The following CIAO3 variants were observed in gnomAD, a reference collection of about 807,000 sequenced individuals.
CIAO3 encodes the protein LET1 like/JFP15.
Under a neutral mutation model 51.5 loss-of-function variants are expected in CIAO3, and 45 were observed. The observed-to-expected ratio is 0.87, with a 90% CI of 0.69 to 1.12. The LOEUF (loss-of-function observed/expected upper bound fraction) is 1.12. Among genes scored for constraint, CIAO3 ranks in the 50% most tolerant of loss-of-function variants. The probability of loss-of-function intolerance (pLI) is 0.00; values close to 1 mark genes in which losing one functional copy is unlikely to be tolerated. For synonymous variants in CIAO3, 314 were observed against 269.3 expected (o/e 1.17, Z -1.63); for missense variants, 668 against 632.5 (o/e 1.06, Z -0.60).
chr16:730,371 T>A lies in CIAO3; in HGVS notation c.*46A>T. 6.4e-7 allele frequency: 1 copy of A among 1,554,526 alleles called. No individual in the cohort carries two copies. Among genetic ancestry groups the A allele is most frequent in the Admixed American group, 1.7e-5 (1 of 59,526 alleles). ...GGGGTCTTGGGGCATGTGGTTCTGC[T>A]GTCACACATGGACACGGCCTCCTGG... is the stretch of plus-strand genomic sequence containing the variant. On this transcript the variant is annotated 3_prime_UTR_variant, in exon 11 of 11. Coordinates refer to ENST00000251588, the MANE Select transcript of CIAO3 (RefSeq NM_022493.3).
intron 8 of CIAO3, 83 bp downstream of exon 8, chr16:732,218 G>A: frequency 7.0e-7 from 1 of 1,421,484 alleles, no homozygotes. Context: ...GCTGCGGGGA[G>A]GCAAGCCCAG....
rs2041355380 is a variant in CIAO3, at chr16:737,861, G to A, written c.163-532C>T. The A allele has an allele frequency of 2.5e-6, 3 of 1,183,064 alleles. No individual in the cohort carries two copies. Among genetic ancestry groups the A allele is most frequent in the Non-Finnish European group, 3.2e-6 (3 of 937,966 alleles). 73.3% of individuals were successfully genotyped at this position (1,183,064 alleles called of 1,614,324 possible). ...CAGGAACAAGGTGTTCCAGTCGGGGGCCTCCGGGACATGCCTCAGCAACTT... is the reference window on the plus strand; with the variant it reads ...CAGGAACAAGGTGTTCCAGTCGGGGACCTCCGGGACATGCCTCAGCAACTT... On this transcript the variant is annotated intron_variant, in intron 2 of 10. Transcript: ENST00000251588. This position sits in a 1 kb window ranked among gnomAD's most constrained non-coding sequence, Gnocchi z 5.3.
intron 3 of CIAO3, among the ~76,000 whole-genome samples, chr16:736,683 T>C (rs1375117424): frequency 2.0e-5 from 3 of 152,038 alleles, no homozygotes; most frequent in African/African-American, 4.8e-5. Context: ...TCGTTTTTTT[T>C]TGATGGAGTC....
chr16:740,552 C>G, intron 1 of CIAO3: 1 of 348,088 alleles, frequency 2.9e-6, no homozygotes, highest in South Asian at 3.2e-5. Context: ...CGCCCTCCAG[C>G]TGCGACCCAG....
chr16:739,526 A>G, intron 2 of CIAO3, 117 bp downstream of exon 2: 1 of 1,046,986 alleles, frequency 9.6e-7, no homozygotes, highest in Non-Finnish European at 1.5e-6. Flanking sequence ...CCAGTGGGAA[A>G]AGACTGGTGA....
intron 4 of CIAO3, among the ~76,000 whole-genome samples, chr16:735,796 A>G (rs1010856596): frequency 1.3e-5 from 2 of 152,278 alleles, no homozygotes; most frequent in Non-Finnish European, 2.9e-5. Flanking sequence ...GGGACTGGAC[A>G]TGGTGGTTAC....
Position 731,553 on chromosome 16 carries a change from C to T in CIAO3, c.1034+12G>A. On this transcript the variant is annotated intron_variant, in intron 9 of 10. Transcript: ENST00000251588. ...GGCCGCTCTGCCCAGAGATCTGGCCCATCCCACTGACCTCAGGGGTTTGTA... is the reference window on the plus strand; with the variant it reads ...GGCCGCTCTGCCCAGAGATCTGGCCTATCCCACTGACCTCAGGGGTTTGTA... 1 of 1,558,142 alleles carries T rather than the reference C, an allele frequency of 6.4e-7. No homozygotes were observed. The highest frequency in any genetic ancestry group is 8.7e-7 in the Non-Finnish European group (1 of 1,151,334).
intron 4 of CIAO3, 119 bp from the exon 5 acceptor site, chr16:734,990 C>T (rs1361291632): frequency 3.7e-6 from 5 of 1,349,906 alleles, no homozygotes; most frequent in Non-Finnish European, 4.9e-6. Context: ...CTTGCCGTGC[C>T]AAAGCCCCGG....
Position 731,013 on chromosome 16 carries a change from G to A in CIAO3, c.1035-13C>T, listed in dbSNP as rs749754641. 6.2e-7 allele frequency: 1 copy of A among 1,612,320 alleles called. No individual in the cohort carries two copies. Among genetic ancestry groups the A allele is most frequent in the East Asian group, 2.2e-5 (1 of 44,874 alleles). ...GAAGTCTTTGTTCCTGGGGGGCACA[G>A]GCGGGGTTTGTCTACATGGCACACC... On this transcript the variant is annotated splice_polypyrimidine_tract_variant and intron_variant, in intron 9 of 10. Coordinates refer to ENST00000251588, the MANE Select transcript of CIAO3 (RefSeq NM_022493.3).
chr16:731,240 G>T, intron 9 of CIAO3: 1 of 636,078 alleles, frequency 1.6e-6, no homozygotes, highest in Non-Finnish European at 2.7e-6. Context: ...TCCCTCCCCA[G>T]GGATGTCTGT....
At position 735,767 on chromosome 16, in the gene CIAO3, C is replaced by A. The variant is rs558736253; in HGVS notation, c.439+499G>T. Among the ~76,000 whole-genome samples, 27 of 152,334 alleles carry A rather than the reference C, an allele frequency of 1.8e-4. 1 individual carries two copies. The highest frequency in any genetic ancestry group is 6.3e-4 in the African/African-American group (26 of 41,584). ...TCTGCTGGTTACAAGGCGCACAGGC[C>A]TGCCTCACTGGGAATGAAGGGACTG... On this transcript the variant is annotated intron_variant, in intron 4 of 10. Coordinates refer to ENST00000251588, the MANE Select transcript of CIAO3 (RefSeq NM_022493.3).
At chr16:731,175 C>T (rs1165270169) in intron 9 of CIAO3, 175 bp from the exon 10 acceptor site, 1 of 837,652 alleles carries the variant, frequency 1.2e-6, no homozygotes, top group Admixed American at 2.9e-5. Context: ...GGCTCACTTC[C>T]TTGAGTCCAG....
chr16:731,290 T>G (rs1156583790), intron 9 of CIAO3: 7 of 597,114 alleles, frequency 1.2e-5, no homozygotes, highest in East Asian at 3.1e-5. Flanking sequence ...GTCGCGTGCC[T>G]GCGCCAGGCA....
At chr16:740,835 G>A in intron 1 of CIAO3, 85 bp downstream of exon 1, 1 of 1,314,378 alleles carries the variant, frequency 7.6e-7, no homozygotes, top group Non-Finnish European at 1.0e-6. Context: ...ATTCCTCAGG[G>A]GAGGAAGTGG....
chr16:730,825 G>A lies in CIAO3; in HGVS notation c.1192+18C>T. The A allele has an allele frequency of 1.2e-6, 2 of 1,611,814 alleles. No individual in the cohort carries two copies. Among genetic ancestry groups the A allele is most frequent in the Non-Finnish European group, 1.7e-6 (2 of 1,179,788 alleles). On this transcript the variant is annotated intron_variant, in intron 10 of 10. Transcript: ENST00000251588. Reference sequence around the variant, plus strand: ...CTCCCAGAAGGGGTCCTCGTGTCCTGTCCCTTGCAGGAGCTACCTGAGGGG... The same window carrying A: ...CTCCCAGAAGGGGTCCTCGTGTCCTATCCCTTGCAGGAGCTACCTGAGGGG...
Position 730,398 on chromosome 16 carries a change from A to G in CIAO3, c.*19T>C, listed in dbSNP as rs764744405. The G allele has an allele frequency of 1.3e-6, 2 of 1,594,112 alleles. No homozygotes were observed. The highest frequency in any genetic ancestry group is 2.2e-5 in the South Asian group (2 of 90,934). ...TCACACATGGACACGGCCTCCTGGG[A>G]GTCCTGGTCCTGCAGCCCCTACCAC... On this transcript the variant is annotated 3_prime_UTR_variant, in exon 11 of 11. Coordinates refer to ENST00000251588, the MANE Select transcript of CIAO3 (RefSeq NM_022493.3).
At chr16:740,075 C>G in intron 1 of CIAO3, 1 of 1,357,984 alleles carries the variant, frequency 7.4e-7, no homozygotes, top group Non-Finnish European at 9.7e-7. Context: ...CAGAGTTGCA[C>G]TGCCCATCGA....
intron 8 of CIAO3, 200 bp downstream of exon 8, chr16:732,101 C>T: frequency 1.6e-6 from 1 of 631,650 alleles, no homozygotes; most frequent in South Asian, 1.9e-5. Flanking sequence ...TGGTCTCGAA[C>T]TCCTGACCTC....
chr16:739,784 G>C (rs916505286), intron 1 of CIAO3, 46 bp from the exon 2 acceptor site: 11 of 1,579,568 alleles, frequency 7.0e-6, no homozygotes, highest in Non-Finnish European at 9.5e-6. Flanking sequence ...AGTGGGCGGA[G>C]GTTCCCTGGG....
Sources: gnomAD v4.1 joint callset for allele counts (sites outside exome capture counted in the v4.1 genomes callset) on GRCh38, gnomAD v4.1.1 for gene constraint, Gnocchi (gnomAD v3.1) non-coding constraint, MANE v1.5 for transcripts, NCBI Gene and HGNC (gene_info 2026-07-23, HGNC 2026-07-21) for gene names.